The following CDH4 variants were observed in gnomAD, a reference collection of about 807,000 sequenced individuals.
CDH4 encodes cadherin-4.
CDH4 carries 33 observed loss-of-function variants against 86.0 expected under a neutral mutation model. The ratio of observed to expected loss-of-function variants is 0.38; its 90% CI spans 0.29 to 0.51. CDH4 has a LOEUF of 0.51. CDH4 is among the 20% of genes least tolerant of loss of function. CDH4 has a pLI of 0.86. For missense variants in CDH4, 1,114 were observed against 1,307.4 expected (o/e 0.85, Z 2.28); for synonymous variants, 555 against 549.4 (o/e 1.01, Z -0.14).
At chr20:61,256,537 G>T (rs2084098856) in intron 2 of CDH4, among the ~76,000 whole-genome samples, 1 of 152,214 alleles carries the variant, frequency 6.6e-6, no homozygotes, top group Non-Finnish European at 1.5e-5. Context: ...CTGTGCTCTT[G>T]ATCAGTGTGG....
At chr20:61,300,867 T>C (rs929959861) in intron 2 of CDH4, among the ~76,000 whole-genome samples, 1 of 152,106 alleles carries the variant, frequency 6.6e-6, no homozygotes, top group African/African-American at 2.4e-5. Flanking sequence ...CACCTCCTCC[T>C]CCTCACCCTT....
intron 4 of CDH4, among the ~76,000 whole-genome samples, chr20:61,802,815 C>T (rs1162504078): frequency 6.6e-6 from 1 of 152,232 alleles, no homozygotes; most frequent in African/African-American, 2.4e-5. Context: ...GGGGCCCTGT[C>T]TGTGGCCACC....
At chr20:61,558,419 G>T (rs55960316) in intron 2 of CDH4, among the ~76,000 whole-genome samples, 1 of 152,080 alleles carries the variant, frequency 6.6e-6, no homozygotes, top group Admixed American at 6.5e-5. Flanking sequence ...CGGCAAAAGT[G>T]TAGGTAACTT....
rs560174023 is a variant in CDH4, at chr20:61,408,158, A to G, written c.169+153221A>G. On this transcript the variant is annotated intron_variant, in intron 2 of 15. Coordinates refer to ENST00000614565, the MANE Select transcript of CDH4 (RefSeq NM_001794.5). ...GGACTGTCCCCTGCCTCTCTCTTAT[A>G]AGGGTCCCTGAGATTACACTTCATG... Among the ~76,000 whole-genome samples, 10 of 152,122 alleles carry G rather than the reference A, an allele frequency of 6.6e-5. No homozygotes were observed. In the East Asian group the frequency reaches 1.2e-3, roughly 18 times the overall value.
chr20:61,573,577 C>A, intron 2 of CDH4, among the ~76,000 whole-genome samples: 1 of 152,124 alleles, frequency 6.6e-6, no homozygotes, highest in Non-Finnish European at 1.5e-5. Flanking sequence ...CAGTCCTGAC[C>A]AGCGTGGGCA....
intron 2 of CDH4, among the ~76,000 whole-genome samples, chr20:61,729,364 G>A (rs1227205953): frequency 1.3e-5 from 2 of 152,188 alleles, no homozygotes; most frequent in Non-Finnish European, 2.9e-5. Flanking sequence ...AAGAACTTTT[G>A]TGTAAATACC....
intron 1 of CDH4, among the ~76,000 whole-genome samples, chr20:61,253,529 C>T (rs1442037022): frequency 6.6e-6 from 1 of 151,762 alleles, no homozygotes; most frequent in Non-Finnish European, 1.5e-5. Context: ...GTGCCAGCGG[C>T]GGGAGGCCCG....
chr20:61,322,508 A>G (rs2084514360), intron 2 of CDH4, among the ~76,000 whole-genome samples: 1 of 152,122 alleles, frequency 6.6e-6, no homozygotes, highest in African/African-American at 2.4e-5. Context: ...ACAGCCCAGG[A>G]TGAGTCCCTT....
intron 4 of CDH4, among the ~76,000 whole-genome samples, chr20:61,798,915 C>G (rs576218592): frequency 6.6e-6 from 1 of 152,190 alleles, no homozygotes; most frequent in Non-Finnish European, 1.5e-5. Context: ...CCCACCGACC[C>G]GATGACCCGG....
intron 4 of CDH4, 84 bp from the exon 5 acceptor site, chr20:61,844,584 T>C (rs1236978395): frequency 1.7e-5 from 23 of 1,344,976 alleles, no homozygotes; most frequent in Non-Finnish European, 2.4e-5. Context: ...GAGGAACTCA[T>C]GAGAGGGGAT....
intron 1 of CDH4, among the ~76,000 whole-genome samples, chr20:61,253,439 T>C (rs1337558720): frequency 1.3e-5 from 2 of 149,614 alleles, no homozygotes; most frequent in Non-Finnish European, 3.0e-5. Flanking sequence ...GCGGCGGGAG[T>C]TGCAGGAACC....
chr20:61,383,080 T>C (rs1035992039), intron 2 of CDH4, among the ~76,000 whole-genome samples: 1 of 120,490 alleles, frequency 8.3e-6, no homozygotes, highest in African/African-American at 3.4e-5. Flanking sequence ...ATATATAATA[T>C]ATATATGAAT....
intron 2 of CDH4, among the ~76,000 whole-genome samples, chr20:61,700,903 T>TCC (rs1303109221): frequency 1.3e-5 from 2 of 152,044 alleles, no homozygotes; most frequent in East Asian, 1.9e-4. Context: ...GAACGGCGGC[T>TCC]CCCCCCTTTT....
intron 2 of CDH4, among the ~76,000 whole-genome samples, chr20:61,261,869 G>A (rs770857175): frequency 3.9e-5 from 6 of 152,194 alleles, no homozygotes; most frequent in African/African-American, 7.2e-5. Flanking sequence ...TCTCGACACC[G>A]GGGGTTTGCA....
intron 2 of CDH4, among the ~76,000 whole-genome samples, chr20:61,604,261 C>T (rs1472386156): frequency 1.3e-5 from 2 of 152,228 alleles, no homozygotes; most frequent in Non-Finnish European, 1.5e-5. Flanking sequence ...AAGCTTCAGT[C>T]GAGGCCGAGA....
chr20:61,868,195 G>A (rs78897171), intron 6 of CDH4, among the ~76,000 whole-genome samples: 7,168 of 152,244 alleles, frequency 0.047, 432 homozygotes, highest in African/African-American at 0.13. Flanking sequence ...CCACGGTGGG[G>A]GTGCAGAGGG....
intron 11 of CDH4, among the ~76,000 whole-genome samples, chr20:61,926,320 C>T (rs533001161): frequency 7.2e-5 from 11 of 152,336 alleles, no homozygotes; most frequent in South Asian, 2.1e-4. Flanking sequence ...GCTCTTGGAA[C>T]GGCTGTGCGT....
chr20:61,815,504 CAGG>C (rs1980671651), intron 4 of CDH4, among the ~76,000 whole-genome samples: 3 of 152,302 alleles, frequency 2.0e-5, no homozygotes, highest in Admixed American at 6.5e-5. Context: ...CTCCGGGAGA[CAGG>C]AGGAAGACGC....
In CDH4 at chr20:61,510,576, C is replaced by T. The variant is rs897254149; in HGVS notation, c.170-232987C>T. Among the ~76,000 whole-genome samples the T allele has an allele frequency of 2.0e-5, 3 of 152,160 alleles. No individual in the cohort carries two copies. The highest frequency in any genetic ancestry group is 2.9e-5 in the Non-Finnish European group (2 of 68,034). On this transcript the variant is annotated intron_variant, in intron 2 of 15. Transcript: ENST00000614565. The surrounding 1 kb of genome is among the most constrained non-coding windows in gnomAD (Gnocchi z 4.2). ...GCCCACGGGTGTCGGGGGTGATGAC[C>T]GACCTCAGGACTAGGTAGCTCCCAT...
Sources: allele counts gnomAD v4.1 joint callset (sites outside exome capture counted in the v4.1 genomes callset), GRCh38; gene constraint gnomAD v4.1.1; non-coding constraint Gnocchi (gnomAD v3.1); transcripts MANE v1.5; gene names NCBI Gene and HGNC (gene_info 2026-07-23, HGNC 2026-07-21).